SV2C: variants seen among roughly 807,000 people sequenced by gnomAD.
The protein encoded by SV2C is synaptic vesicle glycoprotein 2C, also known as solute carrier family 22 member B3.
Under a neutral mutation model 79.7 loss-of-function variants are expected in SV2C, and 49 were observed. The ratio of observed to expected loss-of-function variants is 0.61; its 90% CI spans 0.49 to 0.78. The LOEUF (loss-of-function observed/expected upper bound fraction) is 0.78, where lower values mean the gene tolerates loss of function less well. Ranked by LOEUF, SV2C falls within the 30% of genes least tolerant of loss-of-function variation. SV2C has a pLI of 0.00. For missense variants in SV2C, 833 were observed against 912.9 expected, an observed-to-expected ratio of 0.91 and a Z score of 1.13; for synonymous variants, 334 against 333.2, an observed-to-expected ratio of 1.00 and a Z score of -0.03.
chr5:75,965,538 C>T, the SV2C span, among the ~76,000 whole-genome samples: 1 of 152,090 alleles, frequency 6.6e-6, no homozygotes, highest in Non-Finnish European at 1.5e-5. Context: ...CACCAGACAC[C>T]AAATCTGCCA....
chr5:76,267,098 C>G (rs1746684749), intron 4 of SV2C, among the ~76,000 whole-genome samples: 1 of 152,228 alleles, frequency 6.6e-6, no homozygotes. Flanking sequence ...GGGAGGGCGA[C>G]ATTCCTGAAC....
intron 4 of SV2C, among the ~76,000 whole-genome samples, chr5:76,280,606 C>A (rs1490656308): frequency 6.6e-6 from 1 of 152,186 alleles, no homozygotes; most frequent in Non-Finnish European, 1.5e-5. Flanking sequence ...CTTGGAGAGG[C>A]TTCTGGAGAA....
the SV2C span, among the ~76,000 whole-genome samples, chr5:75,930,760 T>C: frequency 3.3e-5 from 5 of 152,238 alleles, no homozygotes; most frequent in African/African-American, 4.8e-5. Flanking sequence ...ATTCAAAAGA[T>C]AAGACAGATT....
the SV2C span, among the ~76,000 whole-genome samples, chr5:75,962,215 C>G: frequency 6.6e-6 from 1 of 152,064 alleles, no homozygotes; most frequent in Non-Finnish European, 1.5e-5. Context: ...GTAACAGACA[C>G]CCATGTGTTC....
the SV2C span, among the ~76,000 whole-genome samples, chr5:76,000,944 C>G: frequency 6.6e-6 from 1 of 151,456 alleles, no homozygotes; most frequent in Non-Finnish European, 1.5e-5. Flanking sequence ...TTCTTCACAC[C>G]AGGCTAAGAG....
chr5:76,033,364 G>C, the SV2C span, among the ~76,000 whole-genome samples: 2 of 152,062 alleles, frequency 1.3e-5, no homozygotes, highest in Non-Finnish European at 2.9e-5. Context: ...TTTCTTCTAG[G>C]GTTTCTATGG....
At chr5:75,993,610 T>A in the SV2C span, among the ~76,000 whole-genome samples, 1 of 152,084 alleles carries the variant, frequency 6.6e-6, no homozygotes, top group East Asian at 1.9e-4. Flanking sequence ...TGGTTTATTT[T>A]AATGTAATAT....
chr5:75,880,751 G>C, the SV2C span, among the ~76,000 whole-genome samples: 1 of 152,146 alleles, frequency 6.6e-6, no homozygotes, highest in African/African-American at 2.4e-5. Flanking sequence ...CTGTTATTCA[G>C]TTCAAAAGTT....
At chr5:75,967,436 G>A in the SV2C span, among the ~76,000 whole-genome samples, 1 of 152,208 alleles carries the variant, frequency 6.6e-6, no homozygotes, top group Non-Finnish European at 1.5e-5. Flanking sequence ...AGAAGGGGGT[G>A]ATGGACGGCA....
rs116768056 is a variant in SV2C, at chr5:76,227,950, G to A, written c.913+18063G>A. 1.4e-3 allele frequency among the ~76,000 whole-genome samples: 217 copies of A among 152,254 alleles called. 1 individual carries two copies. In the Middle Eastern group the frequency reaches 0.02, roughly 14 times the overall value. Reference sequence around the variant, plus strand: ...AGCTTACACGCGGGCCAGCAGAATCGCAAATAGTTCTCCCACCACCCGAGG... The same window carrying A: ...AGCTTACACGCGGGCCAGCAGAATCACAAATAGTTCTCCCACCACCCGAGG... On this transcript the variant is annotated intron_variant, in intron 4 of 12. Transcript: ENST00000502798.
rs747235833 is a variant in SV2C, at chr5:76,331,075, C to A, written c.*5528C>A. 8 of 152,210 alleles carry A rather than the reference C, an allele frequency of 5.3e-5. No homozygotes were observed. Among genetic ancestry groups the A allele is most frequent in the Non-Finnish European group, 8.8e-5 (6 of 68,086 alleles). The allele number at this position is 152,210 out of a possible 1,614,324, so 9.4% of individuals were successfully genotyped here. On this transcript the variant is annotated 3_prime_UTR_variant, in exon 13 of 13. Transcript: ENST00000502798. Reference sequence around the variant, plus strand: ...GTTTCACCATTTTGGCCAGGCTGGTCTCCAACTCCTAACTTCAAGTGATCT... The same window carrying A: ...GTTTCACCATTTTGGCCAGGCTGGTATCCAACTCCTAACTTCAAGTGATCT...
chr5:75,867,850 G>T, the SV2C span, among the ~76,000 whole-genome samples: 1 of 152,156 alleles, frequency 6.6e-6, no homozygotes, highest in East Asian at 1.9e-4. Context: ...TGAGATCTGC[G>T]ATTCATTTAT....
intron 3 of SV2C, among the ~76,000 whole-genome samples, chr5:76,206,023 T>C (rs1744597507): frequency 6.6e-6 from 1 of 152,220 alleles, no homozygotes; most frequent in African/African-American, 2.4e-5. Flanking sequence ...ATTTACATTT[T>C]TTTAATTTCT....
At chr5:75,853,113 T>C in the SV2C span, among the ~76,000 whole-genome samples, 1 of 152,176 alleles carries the variant, frequency 6.6e-6, no homozygotes, top group Non-Finnish European at 1.5e-5. Flanking sequence ...TGAAGAGATG[T>C]TCCATGTAAA....
intron 1 of SV2C, among the ~76,000 whole-genome samples, chr5:76,126,600 A>G (rs1478253407): frequency 6.6e-6 from 1 of 152,122 alleles, no homozygotes; most frequent in Non-Finnish European, 1.5e-5. Context: ...GTAGTTCACC[A>G]TTTGTCTTCT....
upstream of SV2C, among the ~76,000 whole-genome samples, chr5:76,080,458 C>T (rs1746968099): frequency 6.6e-6 from 1 of 152,066 alleles, no homozygotes; most frequent in East Asian, 1.9e-4. Context: ...AACCAGTTCT[C>T]CAAAGCGCAG....
At chr5:76,287,902 A>C (rs1251677257) in intron 6 of SV2C, among the ~76,000 whole-genome samples, 1 of 152,044 alleles carries the variant, frequency 6.6e-6, no homozygotes, top group Non-Finnish European at 1.5e-5. Context: ...CTGGCCAACA[A>C]GGTGAAACCC....
the SV2C span, among the ~76,000 whole-genome samples, chr5:75,925,033 C>T: frequency 3.9e-5 from 6 of 152,178 alleles, no homozygotes; most frequent in East Asian, 9.6e-4. Context: ...GTTTTCATAG[C>T]CCTCACCTGC....
At chr5:76,254,571 A>G (rs1052554599) in intron 4 of SV2C, among the ~76,000 whole-genome samples, 3 of 152,198 alleles carry the variant, frequency 2.0e-5, no homozygotes, top group Non-Finnish European at 1.5e-5. Flanking sequence ...ATGCCCAAAC[A>G]TTCAATGTGA....
Sources: allele counts gnomAD v4.1 joint callset (sites outside exome capture counted in the v4.1 genomes callset), GRCh38; gene constraint gnomAD v4.1.1; transcripts MANE v1.5; gene names NCBI Gene and HGNC (gene_info 2026-07-23, HGNC 2026-07-21).